Variants in PIEZO2 observed in about 807,000 individuals in gnomAD.
PIEZO2 encodes piezo type mechanosensitive ion channel component 2.
Under a neutral mutation model 337.3 loss-of-function variants are expected in PIEZO2, and 172 were observed. The observed-to-expected ratio is 0.51, with a 90% CI of 0.45 to 0.58. The LOEUF (loss-of-function observed/expected upper bound fraction) is 0.58, where lower values mean the gene tolerates loss of function less well. Among genes scored for constraint, PIEZO2 ranks in the 20% least tolerant of loss-of-function variants. PIEZO2 has a pLI of 0.00. For synonymous variants in PIEZO2, 1,251 were observed against 1,228.5 expected, an observed-to-expected ratio of 1.02 and a Z score of -0.38; for missense variants, 3,028 against 3,391.3, an observed-to-expected ratio of 0.89 and a Z score of 2.66.
At chr18:10,721,311 C>T (rs2036301226) in intron 36 of PIEZO2, among the ~76,000 whole-genome samples, 1 of 152,174 alleles carries the variant, frequency 6.6e-6, no homozygotes, top group African/African-American at 2.4e-5. Context: ...CAACAGCTGG[C>T]ACTTCAGAAG....
chr18:10,886,953 C>A (rs1440521996), intron 4 of PIEZO2, among the ~76,000 whole-genome samples: 2 of 151,878 alleles, frequency 1.3e-5, no homozygotes, highest in African/African-American at 4.8e-5. Context: ...TCTAGGGAGT[C>A]CTCAGAAAGT....
In PIEZO2 at chr18:10,943,548, C is replaced by T. The variant is rs997841785; in HGVS notation, c.287-32320G>A. Among the ~76,000 whole-genome samples, 2 of 152,172 alleles carry T rather than the reference C, an allele frequency of 1.3e-5. No homozygotes were observed. The highest frequency in any genetic ancestry group is 4.8e-5 in the African/African-American group (2 of 41,446). On this transcript the variant is annotated intron_variant, in intron 3 of 55. Transcript: ENST00000674853. The surrounding 1 kb of genome is among the most constrained non-coding windows in gnomAD (Gnocchi z 4.5). The stretch of plus-strand genomic sequence containing the variant: ...TTGGAATGGCTTTATTTGCCCAATG[C>T]CTTTACCCCCATTGTATACAGGAAG...
chr18:10,889,473 T>A (rs150890434), intron 4 of PIEZO2, among the ~76,000 whole-genome samples: 99 of 152,344 alleles, frequency 6.5e-4, no homozygotes, highest in South Asian at 2.7e-3. Context: ...GGGAAATTAA[T>A]CATGAGTATT....
Position 10,729,623 on chromosome 18 carries a change from C to CAAAA in PIEZO2, c.5029+1780_5029+1783dup, listed in dbSNP as rs374976832. The stretch of plus-strand genomic sequence containing the variant: ...TGTGTGACACAGCGAGACTCTGTCT[C>CAAAA]AAAAAAAAAAAAAAAAGAAAAGAAA... On this transcript the variant is annotated intron_variant, in intron 36 of 55. Coordinates refer to ENST00000674853, the MANE Select transcript of PIEZO2 (RefSeq NM_001378183.1). 2.1e-3 allele frequency among the ~76,000 whole-genome samples: 259 copies of CAAAA among 124,690 alleles called. 1 individual carries two copies. The highest frequency in any genetic ancestry group is 6.4e-3 in the African/African-American group (213 of 33,174). 81.8% of individuals were successfully genotyped at this position (124,690 alleles called of 152,430 possible).
In PIEZO2 at chr18:11,126,469, TA is replaced by T. The variant is rs1161714602; in HGVS notation, c.64+22055del. Among the ~76,000 whole-genome samples, 1 of 152,158 alleles carries T rather than the reference TA, an allele frequency of 6.6e-6. No homozygotes were observed. The highest frequency in any genetic ancestry group is 2.4e-5 in the African/African-American group (1 of 41,446). On this transcript the variant is annotated intron_variant, in intron 1 of 55. Coordinates refer to ENST00000674853, the MANE Select transcript of PIEZO2 (RefSeq NM_001378183.1). The surrounding 1 kb of genome is among the most constrained non-coding windows in gnomAD (Gnocchi z 4.6). ...CCTCACACAGTCCTCTTCCCACCTT[TA>T]GTGCCAGTTTCTTGGTCATCTCCCG... is the stretch of plus-strand genomic sequence containing the variant.
chr18:10,699,038 T>G lies in PIEZO2; in HGVS notation c.6581A>C (p.Glu2194Ala). The stretch of plus-strand genomic sequence containing the variant: ...CTCCGGGAAGGTCACATGCACTGAC[T>G]CCACAGACGCGGCCAGGTTGATGGA... ...LKSINLAASV[E>A]SVHVTFPEQQ... The change falls in exon 44 of 56, where the codon GAG becomes GCG. Residue 2194 changes from glutamate to alanine, a missense_variant. This residue lies in a region of PIEZO2 where 1,925 missense variants were observed against 2,051.9 expected (regional missense o/e 0.94). Transcript: ENST00000674853. The G allele has an allele frequency of 6.5e-7, 1 of 1,537,126 alleles. No homozygotes were observed. Among genetic ancestry groups the G allele is most frequent in the South Asian group, 1.2e-5 (1 of 84,062 alleles).
chr18:10,848,014 A>T (rs2041418298), intron 7 of PIEZO2, among the ~76,000 whole-genome samples: 2 of 152,210 alleles, frequency 1.3e-5, no homozygotes, highest in Admixed American at 6.5e-5. Flanking sequence ...TCTCCATTAA[A>T]CACAATTTAG....
Position 11,143,631 on chromosome 18 carries a change from ACACACACACTCT to A in PIEZO2, c.64+4882_64+4893del, listed in dbSNP as rs772367166. Among the ~76,000 whole-genome samples, 34 of 63,904 alleles carry A rather than the reference ACACACACACTCT, an allele frequency of 5.3e-4. No individual in the cohort carries two copies. Among genetic ancestry groups the A allele is most frequent in the African/African-American group, 2.3e-3 (26 of 11,502 alleles). 41.9% of individuals were successfully genotyped at this position (63,904 alleles called of 152,430 possible). On this transcript the variant is annotated intron_variant, in intron 1 of 55. Coordinates refer to ENST00000674853, the MANE Select transcript of PIEZO2 (RefSeq NM_001378183.1). This position sits in a 1 kb window ranked among gnomAD's most constrained non-coding sequence, Gnocchi z 4.9. ...CACACACACACACACACACACACACACACACACACTCTCTCTCTCTCTCTCTCTCTCTCTCTC... is the reference window on the plus strand; with the variant it reads ...CACACACACACACACACACACACACACTCTCTCTCTCTCTCTCTCTCTCTC...
At chr18:10,882,193 T>C (rs2042439475) in intron 4 of PIEZO2, among the ~76,000 whole-genome samples, 1 of 152,216 alleles carries the variant, frequency 6.6e-6, no homozygotes, top group African/African-American at 2.4e-5. Context: ...CTTGGCTGAT[T>C]CCGTGACCAT....
intron 36 of PIEZO2, among the ~76,000 whole-genome samples, chr18:10,720,234 G>GCGTATATATATA (rs1555631512): frequency 5.0e-5 from 6 of 119,906 alleles, no homozygotes; most frequent in African/African-American, 1.7e-4. Flanking sequence ...GTGTGTGTGT[G>GCGTATATATATA]TATATATATA....
rs193073459 is a variant in PIEZO2, at chr18:10,882,891, T to C, written c.330-11476A>G. ...GTCTTGCCCTGTCACCAGGCTGGAG[T>C]GCAGTGGTGCGATCTCAGCTCACTG... On this transcript the variant is annotated intron_variant, in intron 4 of 55. Transcript: ENST00000674853. Among the ~76,000 whole-genome samples the C allele has an allele frequency of 5.9e-5, 8 of 135,038 alleles. No homozygotes were observed. The East Asian group carries it at 1.9e-3, about 32-fold the overall frequency. The allele number at this position is 135,038 out of a possible 152,430, so 88.6% of individuals were successfully genotyped here. A position where few individuals can be genotyped will look rare whatever the true frequency, so the allele number is the denominator to read the frequency against.
At chr18:10,734,461 A>G (rs1260776592) in intron 35 of PIEZO2, among the ~76,000 whole-genome samples, 2 of 152,244 alleles carry the variant, frequency 1.3e-5, no homozygotes, top group Non-Finnish European at 2.9e-5. Context: ...GCACTGGTCT[A>G]TGTCACTATC....
rs146127397 is a variant in PIEZO2 at position 11,144,846 on chromosome 18, A to C, written c.64+3679T>G. ...GGCTTCCCCTTTCTTCCCCCTGAAA[A>C]TATGTAAGTCATTTCTTCCAGGCAA... On this transcript the variant is annotated intron_variant, in intron 1 of 55. Coordinates refer to ENST00000674853, the MANE Select transcript of PIEZO2 (RefSeq NM_001378183.1). Among the ~76,000 whole-genome samples, 936 of 152,256 alleles carry C rather than the reference A, an allele frequency of 6.1e-3. 6 individuals carry two copies. The highest frequency in any genetic ancestry group is 0.021 in the African/African-American group (862 of 41,532).
rs954783541 is a variant in PIEZO2, at chr18:10,872,048, G to A, written c.330-633C>T. Among the ~76,000 whole-genome samples, 18 of 152,196 alleles carry A rather than the reference G, an allele frequency of 1.2e-4. No individual in the cohort carries two copies. The highest frequency in any genetic ancestry group is 2.5e-4 in the Non-Finnish European group (17 of 68,046). On this transcript the variant is annotated intron_variant, in intron 4 of 55. Transcript: ENST00000674853. The surrounding 1 kb of genome is among the most constrained non-coding windows in gnomAD (Gnocchi z 4.3). ...ACAGCCATCTGTTCTGCTGTGCTGA[G>A]GAAGTAATACTATTTGCCTTCCTTA...
intron 2 of PIEZO2, among the ~76,000 whole-genome samples, chr18:11,015,251 G>C (rs919175476): frequency 6.6e-6 from 1 of 151,372 alleles, no homozygotes; most frequent in Non-Finnish European, 1.5e-5. Flanking sequence ...ATGTCACCCT[G>C]GGTGGGACAG....
At chr18:10,710,379 C>T (rs984413551) in intron 39 of PIEZO2, among the ~76,000 whole-genome samples, 1 of 152,168 alleles carries the variant, frequency 6.6e-6, no homozygotes, top group East Asian at 1.9e-4. Context: ...ACCTGCCTGA[C>T]GGGCCCCCCC....
intron 3 of PIEZO2, among the ~76,000 whole-genome samples, chr18:10,950,330 AG>A (rs1242747400): frequency 6.6e-6 from 1 of 152,180 alleles, no homozygotes; most frequent in Non-Finnish European, 1.5e-5. Context: ...TTAAAGCTGA[AG>A]GTAAGAAAGA....
rs549223999 is a variant in PIEZO2 at position 10,939,467 on chromosome 18, C to T, written c.287-28239G>A. ...ATTCTACTATAAAGACACATGCATA[C>T]CTGTGTGTATTGCAACACTATTTAC... On this transcript the variant is annotated intron_variant, in intron 3 of 55. Coordinates refer to ENST00000674853, the MANE Select transcript of PIEZO2 (RefSeq NM_001378183.1). Among the ~76,000 whole-genome samples the T allele has an allele frequency of 2.0e-5, 3 of 152,272 alleles. No homozygotes were observed. The South Asian group carries it at 6.2e-4, about 32-fold the overall frequency.
Position 11,027,352 on chromosome 18 carries a change from C to T in PIEZO2, c.160+38775G>A, listed in dbSNP as rs1261173190. On this transcript the variant is annotated intron_variant, in intron 2 of 55. Transcript: ENST00000674853. This position sits in a 1 kb window ranked among gnomAD's most constrained non-coding sequence, Gnocchi z 4.2. ...AAAGGAAGGACTGCGACTGTCAATTCACCAGTGAGGCAAGGCAGGAATTGC... is the reference window on the plus strand; with the variant it reads ...AAAGGAAGGACTGCGACTGTCAATTTACCAGTGAGGCAAGGCAGGAATTGC... Among the ~76,000 whole-genome samples, 1 of 152,178 alleles carries T rather than the reference C, an allele frequency of 6.6e-6. No individual in the cohort carries two copies. The highest frequency in any genetic ancestry group is 1.5e-5 in the Non-Finnish European group (1 of 68,032).
Sources: allele counts gnomAD v4.1 joint callset (sites outside exome capture counted in the v4.1 genomes callset), GRCh38; gene constraint gnomAD v4.1.1; regional missense constraint gnomAD v4.1.1; non-coding constraint Gnocchi (gnomAD v3.1); transcripts MANE v1.5; gene names NCBI Gene and HGNC (gene_info 2026-07-23, HGNC 2026-07-21).